The following ANK1 variants were observed in gnomAD, a reference collection of about 807,000 sequenced individuals.
ANK1 encodes the protein ankyrin-1.
Under a neutral mutation model 210.4 loss-of-function variants are expected in ANK1, and 51 were observed. The ratio of observed to expected loss-of-function variants is 0.24; its 90% CI spans 0.19 to 0.31. The LOEUF (loss-of-function observed/expected upper bound fraction) is 0.31. Ranked by LOEUF, ANK1 falls within the 10% of genes least tolerant of loss-of-function variation. The pLI is 1.00. For synonymous variants in ANK1, 967 were observed against 1,025.9 expected (o/e 0.94, Z 1.10); for missense variants, 2,051 against 2,504.4 (o/e 0.82, Z 3.86).
chr8:41,725,611 C>T, intron 6 of ANK1, 150 bp downstream of exon 6: 1 of 1,059,360 alleles, frequency 9.4e-7, no homozygotes, highest in South Asian at 1.5e-5. Context: ...GTCCAGGGGC[C>T]CCTCTGCGTC....
intron 31 of ANK1, 131 bp downstream of exon 31, chr8:41,692,517 C>G: frequency 1.1e-6 from 1 of 915,680 alleles, no homozygotes; most frequent in South Asian, 1.5e-5. Flanking sequence ...CAAGAGGGGT[C>G]TCAAAGACAG....
intron 38 of ANK1, among the ~76,000 whole-genome samples, chr8:41,669,339 C>T (rs184859347): frequency 2.6e-5 from 4 of 152,086 alleles, no homozygotes; most frequent in African/African-American, 7.2e-5. Context: ...TTCTGTCTCC[C>T]GGGCTGCAGT....
At chr8:41,665,417 CGCT>C in intron 39 of ANK1, 1 of 569,708 alleles carries the variant, frequency 1.8e-6, no homozygotes, top group Non-Finnish European at 2.7e-6. Flanking sequence ...GAGTGACACC[CGCT>C]GCTGCCTAAC....
chr8:41,788,706 C>T (rs1453596305), intron 1 of ANK1, among the ~76,000 whole-genome samples: 1 of 152,146 alleles, frequency 6.6e-6, no homozygotes, highest in Admixed American at 6.5e-5. Context: ...CCTCATCAAA[C>T]CTTACTGGTA....
intron 1 of ANK1, among the ~76,000 whole-genome samples, chr8:41,807,958 AGAGGAGGAGGGGAG>A (rs771780586): frequency 1.4e-5 from 2 of 141,334 alleles, no homozygotes; most frequent in Non-Finnish European, 3.1e-5. Context: ...GAGGAGGGGA[AGAGGAGGAGGGGAG>A]GAGGAGGAGG....
At chr8:41,689,644 G>A (rs1238092613) in intron 33 of ANK1, among the ~76,000 whole-genome samples, 1 of 152,102 alleles carries the variant, frequency 6.6e-6, no homozygotes, top group Non-Finnish European at 1.5e-5. Context: ...CCCAGCAGAG[G>A]TGGTGACTGG....
chr8:41,854,110 A>G (rs1811763877), intron 1 of ANK1, among the ~76,000 whole-genome samples: 1 of 152,244 alleles, frequency 6.6e-6, no homozygotes. Context: ...AATCTTGCCA[A>G]TTAGTTAAAT....
At chr8:41,706,863 C>G (rs1297438932) in intron 17 of ANK1, among the ~76,000 whole-genome samples, 1 of 152,212 alleles carries the variant, frequency 6.6e-6, no homozygotes, top group Non-Finnish European at 1.5e-5. Flanking sequence ...CTTTGGAAGG[C>G]CGAGGCAGGT....
chr8:41,691,620 G>A (rs1437607907), intron 31 of ANK1, among the ~76,000 whole-genome samples: 2 of 152,032 alleles, frequency 1.3e-5, no homozygotes, highest in African/African-American at 2.4e-5. Flanking sequence ...ATTATCTGTC[G>A]AGCCCTTTCC....
intron 1 of ANK1, among the ~76,000 whole-genome samples, chr8:41,826,930 C>G (rs1210997150): frequency 1.3e-5 from 2 of 152,212 alleles, no homozygotes; most frequent in Non-Finnish European, 2.9e-5. Context: ...TCCCGTAAAG[C>G]CTTGCCTAAT....
chr8:41,847,480 G>C (rs1228010297), intron 1 of ANK1, among the ~76,000 whole-genome samples: 7 of 150,386 alleles, frequency 4.7e-5, no homozygotes, highest in Non-Finnish European at 1.0e-4. Context: ...AAGCATCCAC[G>C]AGCTGCTACG....
chr8:41,837,573 TA>T (rs1156804746), intron 1 of ANK1, among the ~76,000 whole-genome samples: 2 of 152,192 alleles, frequency 1.3e-5, no homozygotes, highest in African/African-American at 2.4e-5. Context: ...TGGTAGAGCT[TA>T]AAAAGTGTTG....
chr8:41,749,631 A>G (rs186037554), intron 2 of ANK1, among the ~76,000 whole-genome samples: 1,491 of 117,810 alleles, frequency 0.013, 22 homozygotes, highest in Admixed American at 0.021. Flanking sequence ...TTTTTTTTTG[A>G]GAAGGAGTTT....
Position 41,722,985 on chromosome 8 carries a change from G to C in ANK1, c.909+140C>G, listed in dbSNP as rs1467595569. 8 of 810,872 alleles carry C rather than the reference G, an allele frequency of 9.9e-6. No homozygotes were observed. The East Asian group carries it at 1.8e-4, about 18-fold the overall frequency. 50.2% of individuals were successfully genotyped at this position (810,872 alleles called of 1,614,324 possible). On this transcript the variant is annotated intron_variant, in intron 9 of 42. Coordinates refer to ENST00000289734, the MANE Select transcript of ANK1 (RefSeq NM_000037.4). ...TACACTGAGAGTCTCCTACGTGATA[G>C]GCCTTGTAATAAATGTCAAAGGTGC...
intron 1 of ANK1, among the ~76,000 whole-genome samples, chr8:41,806,519 A>C (rs1242650886): frequency 6.6e-6 from 1 of 152,240 alleles, no homozygotes; most frequent in African/African-American, 2.4e-5. Context: ...GTTCAAGACC[A>C]GCCTGGGCAA....
intron 1 of ANK1, among the ~76,000 whole-genome samples, chr8:41,774,708 G>T (rs1452502910): frequency 1.3e-5 from 2 of 152,222 alleles, no homozygotes; most frequent in African/African-American, 4.8e-5. Flanking sequence ...GTGTCTTGTG[G>T]GTGCCTAAAT....
intron 4 of ANK1, 147 bp from the exon 5 acceptor site, chr8:41,727,495 G>T (rs1325724440): frequency 2.8e-6 from 2 of 719,394 alleles, no homozygotes; most frequent in Non-Finnish European, 5.0e-6. Context: ...CATTGTCATG[G>T]TGACTGGCGT....
At chr8:41,803,083 G>GGAAGGAA (rs367984370) in intron 1 of ANK1, among the ~76,000 whole-genome samples, 2 of 42,876 alleles carry the variant, frequency 4.7e-5, no homozygotes, top group East Asian at 3.9e-4. Flanking sequence ...AAGGAAGGAA[G>GGAAGGAA]GGAAGGAAAG....
intron 3 of ANK1, among the ~76,000 whole-genome samples, chr8:41,731,356 T>G (rs540639161): frequency 6.6e-6 from 1 of 152,098 alleles, no homozygotes; most frequent in Non-Finnish European, 1.5e-5. Context: ...TGGGTGCTGA[T>G]TGAATGCAAG....
Sources: allele counts gnomAD v4.1 joint callset (sites outside exome capture counted in the v4.1 genomes callset), GRCh38; gene constraint gnomAD v4.1.1; transcripts MANE v1.5; gene names NCBI Gene and HGNC (gene_info 2026-07-23, HGNC 2026-07-21).